CHCHD3: variants seen among roughly 807,000 people sequenced by gnomAD.
CHCHD3 encodes the protein MICOS complex subunit MIC19.
Under a neutral mutation model 38.2 loss-of-function variants are expected in CHCHD3, and 20 were observed. The observed-to-expected ratio is 0.52, with a 90% CI of 0.37 to 0.76. CHCHD3 has a LOEUF of 0.76. CHCHD3 is among the 30% of genes least tolerant of loss of function. The pLI is 0.00. For synonymous variants in CHCHD3, 82 were observed against 100.0 expected, an observed-to-expected ratio of 0.82 and a Z score of 1.07; for missense variants, 245 against 279.2, an observed-to-expected ratio of 0.88 and a Z score of 0.87.
intron 2 of CHCHD3, among the ~76,000 whole-genome samples, chr7:133,049,172 T>G (rs1015201713): frequency 6.6e-6 from 1 of 152,142 alleles, no homozygotes. Context: ...CTGAAACACA[T>G]GACGATAAAT....
intron 4 of CHCHD3, among the ~76,000 whole-genome samples, chr7:132,972,007 G>A (rs1002261462): frequency 5.3e-5 from 8 of 152,018 alleles, no homozygotes; most frequent in Admixed American, 2.0e-4. Flanking sequence ...TGTCCACACC[G>A]CACAGTACTG....
intron 6 of CHCHD3, among the ~76,000 whole-genome samples, chr7:132,799,007 C>CTGTGTGTGTGTGTGTG (rs58508838): frequency 2.1e-5 from 3 of 145,490 alleles, no homozygotes; most frequent in African/African-American, 5.1e-5. Context: ...GTGATCTGTT[C>CTGTGTGTGTGTGTGTG]TGTGTGTGTG....
intron 6 of CHCHD3, among the ~76,000 whole-genome samples, chr7:132,817,191 G>A (rs1224517836): frequency 1.3e-5 from 2 of 151,740 alleles, no homozygotes; most frequent in South Asian, 4.2e-4. Context: ...TTTTCCTGGG[G>A]TCCCAAGCTT....
At chr7:132,976,242 C>T (rs1044449012) in intron 3 of CHCHD3, among the ~76,000 whole-genome samples, 1 of 152,140 alleles carries the variant, frequency 6.6e-6, no homozygotes, top group Non-Finnish European at 1.5e-5. Context: ...TGACTCCAAT[C>T]GATCTGTTAG....
At chr7:132,848,662 A>C (rs548161077) in intron 5 of CHCHD3, among the ~76,000 whole-genome samples, 10 of 152,208 alleles carry the variant, frequency 6.6e-5, no homozygotes, top group Admixed American at 3.3e-4. Flanking sequence ...AATTTCTTCT[A>C]TCAGAAAACC....
At chr7:132,786,220 G>A (rs1806312988) in intron 7 of CHCHD3, among the ~76,000 whole-genome samples, 2 of 152,154 alleles carry the variant, frequency 1.3e-5, no homozygotes, top group South Asian at 4.2e-4. Flanking sequence ...TGGAAATGTT[G>A]GGAGCATGGC....
intron 4 of CHCHD3, among the ~76,000 whole-genome samples, chr7:132,893,069 T>G (rs1352088326): frequency 6.6e-6 from 1 of 152,156 alleles, no homozygotes. Flanking sequence ...GACCCCAGAA[T>G]GGTAGATCCA....
chr7:133,061,086 T>C (rs1287641032), intron 2 of CHCHD3, among the ~76,000 whole-genome samples: 3 of 151,986 alleles, frequency 2.0e-5, no homozygotes, highest in African/African-American at 2.4e-5. Flanking sequence ...AGGAGATGGA[T>C]TGTACAGGAC....
At chr7:132,882,934 G>C (rs1320769154) in intron 5 of CHCHD3, among the ~76,000 whole-genome samples, 1 of 152,102 alleles carries the variant, frequency 6.6e-6, no homozygotes, top group Non-Finnish European at 1.5e-5. Flanking sequence ...GAGGGACCTG[G>C]TGGGAGGTAA....
chr7:133,023,319 G>A (rs1813245864), intron 3 of CHCHD3, among the ~76,000 whole-genome samples: 1 of 152,108 alleles, frequency 6.6e-6, no homozygotes. Flanking sequence ...TATATTTTGT[G>A]TAAATTGGGA....
intron 5 of CHCHD3, among the ~76,000 whole-genome samples, chr7:132,853,030 C>T (rs1480891669): frequency 6.6e-6 from 1 of 152,152 alleles, no homozygotes; most frequent in Non-Finnish European, 1.5e-5. Context: ...AGCTGTAATT[C>T]CAGCAGAATC....
intron 3 of CHCHD3, among the ~76,000 whole-genome samples, chr7:133,023,966 T>C (rs1813262641): frequency 6.6e-6 from 1 of 152,166 alleles, no homozygotes; most frequent in African/African-American, 2.4e-5. Context: ...GTATTAATAA[T>C]GGCAACAATC....
intron 2 of CHCHD3, among the ~76,000 whole-genome samples, chr7:133,048,476 C>T (rs1464687338): frequency 4.6e-5 from 7 of 151,992 alleles, no homozygotes; most frequent in African/African-American, 1.5e-4. Context: ...TTACTAATTC[C>T]AAAGATGAAT....
At chr7:132,876,234 G>GA (rs2053789833) in intron 5 of CHCHD3, among the ~76,000 whole-genome samples, 1 of 152,150 alleles carries the variant, frequency 6.6e-6, no homozygotes, top group Non-Finnish European at 1.5e-5. Context: ...TGGATGTGAA[G>GA]AAAATTCAAA....
At chr7:132,930,815 G>A (rs1046050104) in intron 4 of CHCHD3, among the ~76,000 whole-genome samples, 3 of 152,138 alleles carry the variant, frequency 2.0e-5, no homozygotes, top group East Asian at 1.9e-4. Context: ...CAAGATGGAT[G>A]CCAGACACAT....
At chr7:133,051,432 T>G (rs2117501669) in intron 2 of CHCHD3, among the ~76,000 whole-genome samples, 1 of 152,336 alleles carries the variant, frequency 6.6e-6, no homozygotes, top group Non-Finnish European at 1.5e-5. Flanking sequence ...ATTTTTTCCC[T>G]AATTCTCTGG....
At chr7:132,825,264 T>C (rs1041084375) in intron 6 of CHCHD3, among the ~76,000 whole-genome samples, 9 of 152,212 alleles carry the variant, frequency 5.9e-5, no homozygotes, top group Non-Finnish European at 8.8e-5. Flanking sequence ...ATATATGCCA[T>C]TGAGCTCACT....
intron 6 of CHCHD3, among the ~76,000 whole-genome samples, chr7:132,825,398 C>T (rs1807483986): frequency 6.6e-6 from 1 of 152,200 alleles, no homozygotes; most frequent in Non-Finnish European, 1.5e-5. Context: ...TCAAAGACTT[C>T]AAAAACAGCC....
rs115687373 is a variant in CHCHD3 at position 132,878,110 on chromosome 7, A to T, written c.453+7552T>A. Among the ~76,000 whole-genome samples the T allele has an allele frequency of 8.4e-3, 1,274 of 152,304 alleles. 24 individuals carry two copies. Among genetic ancestry groups the T allele is most frequent in the African/African-American group, 0.029 (1,210 of 41,562 alleles). ...ATTTTAGTATCTCAGATGTCAGTAG[A>T]CTAATTGTGAATCCATCCTGCATTA... On this transcript the variant is annotated intron_variant, in intron 5 of 7. Transcript: ENST00000262570.
Sources: allele counts gnomAD v4.1 joint callset (sites outside exome capture counted in the v4.1 genomes callset), GRCh38; gene constraint gnomAD v4.1.1; transcripts MANE v1.5; gene names NCBI Gene and HGNC (gene_info 2026-07-23, HGNC 2026-07-21).